The following CYP27A1 variants were observed in gnomAD, a reference collection of about 807,000 sequenced individuals.
CYP27A1 encodes the protein cytochrome P450 family 27 subfamily A member 1.
In CYP27A1, 46 loss-of-function variants were observed where a neutral mutation model predicts 58.2. The observed-to-expected ratio is 0.79, with a 90% CI of 0.62 to 1.01. CYP27A1 has a LOEUF of 1.01. Among genes scored for constraint, CYP27A1 ranks in the 50% least tolerant of loss-of-function variants. The pLI, the probability that CYP27A1 is intolerant of heterozygous loss-of-function variation, is 0.00. For missense variants in CYP27A1, 704 were observed against 687.0 expected, an observed-to-expected ratio of 1.02 and a Z score of -0.28; for synonymous variants, 274 against 285.1, an observed-to-expected ratio of 0.96 and a Z score of 0.39.
Position 218,812,493 on chromosome 2 carries a change from C to G in CYP27A1, c.647-59C>G, listed in dbSNP as rs1943729117. 1.9e-6 allele frequency: 3 copies of G among 1,610,402 alleles called. No individual in the cohort carries two copies. The South Asian group carries it at 3.3e-5, about 18-fold the overall frequency. ...AGGTTGTGCTCCCTCTCCTCAAGGG[C>G]TCCTGGATTCCATATGTCCTGGTTC... On this transcript the variant is annotated intron_variant, in intron 3 of 8. Coordinates refer to ENST00000258415, the MANE Select transcript of CYP27A1 (RefSeq NM_000784.4).
In CYP27A1 at chr2:218,814,763, C is replaced by T. The variant is rs977947148; in HGVS notation, c.1476+6C>T. On this transcript the variant is annotated splice_donor_region_variant and intron_variant, in intron 8 of 8. Transcript: ENST00000258415. The stretch of plus-strand genomic sequence containing the variant: ...TGCAGCTACTCCTCGCAAGGGTGAG[C>T]TGGGAGAGGCTAGTAGGGTGTGTGG... The T allele has an allele frequency of 1.2e-6, 2 of 1,613,970 alleles. No homozygotes were observed. Among genetic ancestry groups the T allele is most frequent in the Middle Eastern group, 1.6e-4 (1 of 6,062 alleles).
chr2:218,787,663 G>T (rs1559385811), intron 1 of CYP27A1, among the ~76,000 whole-genome samples: 2 of 152,120 alleles, frequency 1.3e-5, no homozygotes, highest in Admixed American at 6.5e-5. Flanking sequence ...ACTGATAAAA[G>T]ATTATTTTAA....
In CYP27A1 at chr2:218,812,440, G is replaced by A. The variant is rs1323971715; in HGVS notation, c.646+19G>A. Reference sequence around the variant, plus strand: ...TTGGAAGGTACCCTTGCTGGGAGAGGGGCTGGGGAAGGGAATGGGTCAGGG... The same window carrying A: ...TTGGAAGGTACCCTTGCTGGGAGAGAGGCTGGGGAAGGGAATGGGTCAGGG... On this transcript the variant is annotated intron_variant, in intron 3 of 8. Coordinates refer to ENST00000258415, the MANE Select transcript of CYP27A1 (RefSeq NM_000784.4). The A allele has an allele frequency of 6.2e-7, 1 of 1,613,772 alleles. No individual in the cohort carries two copies. The highest frequency in any genetic ancestry group is 8.5e-7 in the Non-Finnish European group (1 of 1,179,784).
intron 1 of CYP27A1, among the ~76,000 whole-genome samples, chr2:218,801,995 T>TTTTTA (rs397688567): frequency 0.029 from 4,266 of 149,156 alleles, 212 homozygotes; most frequent in African/African-American, 0.098. Context: ...TTTTTTTTTT[T>TTTTTA]AATTCCTATT....
chr2:218,810,227 C>T (rs935514297), intron 2 of CYP27A1, among the ~76,000 whole-genome samples: 23 of 151,310 alleles, frequency 1.5e-4, no homozygotes, highest in African/African-American at 4.6e-4. Flanking sequence ...TGCAGTGAGC[C>T]GAGATCATGC....
In CYP27A1 at chr2:218,782,382, GCTT is replaced by G. The variant is rs774193477; in HGVS notation, c.207_209del (p.Phe70del). On this transcript the variant is annotated inframe_deletion, in exon 1 of 9. Coordinates refer to ENST00000258415, the MANE Select transcript of CYP27A1 (RefSeq NM_000784.4). The surrounding 1 kb of genome is among the most constrained non-coding windows in gnomAD (Gnocchi z 4.1). ...GAGATTCCACGTCTAGGACAGCTGC[GCTT>G]CTTCTTTCAGCTGTTCGTTCAAGGC... The G allele has an allele frequency of 2.4e-5, 39 of 1,614,070 alleles. No individual in the cohort carries two copies. The highest frequency in any genetic ancestry group is 4.0e-5 in the African/African-American group (3 of 74,942).
chr2:218,812,659 C>T lies in CYP27A1; in HGVS notation c.754C>T (p.Leu252Phe), dbSNP rs1178135866. The change falls in exon 4 of 9, where the codon CTC becomes TTC. Residue 252 changes from leucine (L) to phenylalanine (F), a missense_variant. Transcript: ENST00000258415. Reference protein sequence around the residue: ...RSIGLMFQNSLYATFLPKWTR... With the variant: ...RSIGLMFQNSFYATFLPKWTR... ...CATCGGGTTAATGTTCCAGAACTCA[C>T]TCTATGCCACCTTCCTCCCCAAGTG... 3.7e-6 allele frequency: 6 copies of T among 1,614,120 alleles called. No individual in the cohort carries two copies. The South Asian group carries it at 5.5e-5, about 15-fold the overall frequency.
chr2:218,809,755 G>A lies in CYP27A1; in HGVS notation c.434G>A (p.Gly145Glu), dbSNP rs72551313. Residue 145 changes from glycine to glutamate, a missense_variant, in exon 2 of 9, where the codon GGG becomes GAG. By Grantham distance (98) the Gly-to-Glu change is moderately conservative (BLOSUM62 -2). Coordinates refer to ENST00000258415, the MANE Select transcript of CYP27A1 (RefSeq NM_000784.4). ...EHRDQHDLTY[G>E]PFTTEGHHWY... ...CGGGACCAGCACGACCTGACCTATG[G>A]GCCGTTCACCACGTGAGCTGGGGCC... 6.2e-7 allele frequency: 1 copy of A among 1,613,266 alleles called. No homozygotes were observed.
At chr2:218,800,036 A>C (rs1415287256) in intron 1 of CYP27A1, among the ~76,000 whole-genome samples, 1 of 152,174 alleles carries the variant, frequency 6.6e-6, no homozygotes, top group Non-Finnish European at 1.5e-5. Context: ...AGATGACTGC[A>C]ATGCAAGTTG....
intron 1 of CYP27A1, among the ~76,000 whole-genome samples, chr2:218,785,360 G>A (rs1462810782): frequency 2.0e-5 from 3 of 152,078 alleles, no homozygotes; most frequent in Non-Finnish European, 4.4e-5. Flanking sequence ...GGGAGGCCTG[G>A]TTCCTAACAG....
chr2:218,798,219 A>G (rs1002427235), intron 1 of CYP27A1, among the ~76,000 whole-genome samples: 2 of 152,136 alleles, frequency 1.3e-5, no homozygotes, highest in African/African-American at 2.4e-5. Context: ...TGGCCAGGCT[A>G]GTCTCAAGCT....
At chr2:218,784,470 A>C (rs1416301781) in intron 1 of CYP27A1, among the ~76,000 whole-genome samples, 1 of 152,220 alleles carries the variant, frequency 6.6e-6, no homozygotes, top group Non-Finnish European at 1.5e-5. Context: ...GTTGAACTTC[A>C]TTATAGATTA....
chr2:218,806,584 C>A (rs1022216042), intron 1 of CYP27A1, among the ~76,000 whole-genome samples: 1 of 152,222 alleles, frequency 6.6e-6, no homozygotes, highest in African/African-American at 2.4e-5. Context: ...ATAGTACACG[C>A]TTTTCAAGGG....
intron 2 of CYP27A1, among the ~76,000 whole-genome samples, chr2:218,810,862 A>T (rs1943706474): frequency 6.6e-6 from 1 of 152,156 alleles, no homozygotes; most frequent in African/African-American, 2.4e-5. Flanking sequence ...ATTAAAAAAA[A>T]TTTGACTGGG....
chr2:218,807,167 G>T (rs1185996772), intron 1 of CYP27A1, among the ~76,000 whole-genome samples: 1 of 151,820 alleles, frequency 6.6e-6, no homozygotes, highest in African/African-American at 2.4e-5. Context: ...CACCATGTTG[G>T]CCAGGTTGGT....
intron 1 of CYP27A1, among the ~76,000 whole-genome samples, chr2:218,795,068 T>C (rs1333805794): frequency 6.6e-6 from 1 of 152,162 alleles, no homozygotes; most frequent in African/African-American, 2.4e-5. Flanking sequence ...AATTATCCAC[T>C]CTCACCTATG....
chr2:218,782,339 C>T lies in CYP27A1; in HGVS notation c.157C>T (p.Arg53Trp), dbSNP rs757522001. 4 of 1,613,482 alleles carry T rather than the reference C, an allele frequency of 2.5e-6. No homozygotes were observed. Among genetic ancestry groups the T allele is most frequent in the African/African-American group, 1.3e-5 (1 of 74,936 alleles). The change falls in exon 1 of 9, where the codon CGG becomes TGG. Residue 53 changes from arginine (R) to tryptophan (W), a missense_variant. Physicochemically the swap from Arg to Trp is moderately radical, Grantham distance 101. Transcript: ENST00000258415. This position sits in a 1 kb window ranked among gnomAD's most constrained non-coding sequence, Gnocchi z 4.1. ...CGGAGCCGGGCCTGGTGTCCGGCGGCGGCAACGGAGCTTAGAGGAGATTCC... is the reference window on the plus strand; with the variant it reads ...CGGAGCCGGGCCTGGTGTCCGGCGGTGGCAACGGAGCTTAGAGGAGATTCC... ...APGAGPGVRR[R>W]QRSLEEIPRL...
At chr2:218,800,498 TA>T (rs1337611317) in intron 1 of CYP27A1, among the ~76,000 whole-genome samples, 1 of 152,242 alleles carries the variant, frequency 6.6e-6, no homozygotes, top group East Asian at 1.9e-4. Flanking sequence ...AAATTACCTT[TA>T]AAAAAATCAC....
intron 1 of CYP27A1, among the ~76,000 whole-genome samples, chr2:218,801,933 A>T (rs1489688264): frequency 6.7e-6 from 1 of 149,340 alleles, no homozygotes; most frequent in African/African-American, 2.5e-5. Flanking sequence ...CCTGCATTTG[A>T]CTTGCCAGGC....
Sources: allele counts gnomAD v4.1 joint callset (sites outside exome capture counted in the v4.1 genomes callset), GRCh38; gene constraint gnomAD v4.1.1; non-coding constraint Gnocchi (gnomAD v3.1); transcripts MANE v1.5; gene names NCBI Gene and HGNC (gene_info 2026-07-23, HGNC 2026-07-21).